UBE2Q2: variants seen among roughly 807,000 people sequenced by gnomAD.
UBE2Q2 encodes the protein ubiquitin conjugating enzyme E2 Q2, also known as ubiquitin-conjugating enzyme E2 Q2.
In UBE2Q2, 54 loss-of-function variants were observed where a neutral mutation model predicts 59.9. That is an observed-to-expected ratio of 0.90 (90% CI 0.72 to 1.13). The LOEUF is 1.13. UBE2Q2 is among the 50% of genes most tolerant of loss of function. UBE2Q2 has a pLI of 0.00. For missense variants in UBE2Q2, 433 were observed against 441.9 expected (o/e 0.98, Z 0.18); for synonymous variants, 165 against 155.2 (o/e 1.06, Z -0.47).
At chr15:75,843,913 G>T in intron 1 of UBE2Q2, 67 bp downstream of exon 1, 1 of 1,467,996 alleles carries the variant, frequency 6.8e-7, no homozygotes. Flanking sequence ...CGAGTCCCGG[G>T]ACAAAGGGGA....
intron 5 of UBE2Q2, among the ~76,000 whole-genome samples, chr15:75,874,983 T>G (rs1437343290): frequency 6.6e-6 from 1 of 152,194 alleles, no homozygotes; most frequent in Non-Finnish European, 1.5e-5. Context: ...TTAATCTAAT[T>G]TATAATTTTT....
chr15:75,880,048 G>A (rs1429441553), intron 8 of UBE2Q2, among the ~76,000 whole-genome samples: 1 of 151,980 alleles, frequency 6.6e-6, no homozygotes, highest in African/African-American at 2.4e-5. Context: ...GCTTCTTAAG[G>A]TATATCTCTA....
chr15:75,882,080 G>T (rs1898462006), intron 8 of UBE2Q2, among the ~76,000 whole-genome samples: 1 of 152,176 alleles, frequency 6.6e-6, no homozygotes, highest in African/African-American at 2.4e-5. Context: ...TTTGGTGAAT[G>T]CAGGGCATGA....
chr15:75,886,522 CTTAT>C (rs1898781094), intron 9 of UBE2Q2, among the ~76,000 whole-genome samples: 2 of 152,036 alleles, frequency 1.3e-5, no homozygotes, highest in Admixed American at 1.3e-4. Context: ...TGTTCAAAAT[CTTAT>C]TTGAGAGAAA....
intron 11 of UBE2Q2, among the ~76,000 whole-genome samples, chr15:75,892,839 C>T (rs1595899054): frequency 6.6e-6 from 1 of 152,178 alleles, no homozygotes; most frequent in East Asian, 1.9e-4. Context: ...TTGCGCACTC[C>T]AGCCTTGGTG....
chr15:75,869,420 A>T (rs1421941490), intron 4 of UBE2Q2, among the ~76,000 whole-genome samples: 2 of 152,250 alleles, frequency 1.3e-5, no homozygotes, highest in Non-Finnish European at 2.9e-5. Flanking sequence ...TTGTTGAAAA[A>T]TCATCAAAGA....
At chr15:75,871,580 A>C (rs1897796225) in intron 4 of UBE2Q2, among the ~76,000 whole-genome samples, 1 of 152,226 alleles carries the variant, frequency 6.6e-6, no homozygotes, top group Non-Finnish European at 1.5e-5. Flanking sequence ...ATGACTCTTA[A>C]GGAGCATGCT....
intron 9 of UBE2Q2, among the ~76,000 whole-genome samples, chr15:75,885,525 A>G (rs962999893): frequency 1.3e-5 from 2 of 152,102 alleles, no homozygotes; most frequent in Non-Finnish European, 2.9e-5. Context: ...GCTGTTTTCT[A>G]TTTTTCCCAA....
intron 6 of UBE2Q2, among the ~76,000 whole-genome samples, chr15:75,877,479 G>T (rs1233115712): frequency 2.8e-5 from 4 of 141,086 alleles, no homozygotes; most frequent in Admixed American, 7.1e-5. Flanking sequence ...TGTTTATATA[G>T]AAAAAAAAAA....
Position 75,873,548 on chromosome 15 carries a change from C to G in UBE2Q2, c.568C>G (p.Gln190Glu). The G allele has an allele frequency of 6.2e-7, 1 of 1,613,304 alleles. No homozygotes were observed. Among genetic ancestry groups the G allele is most frequent in the Non-Finnish European group, 8.5e-7 (1 of 1,179,718 alleles). ...AATATTAGAGAAAATTAGGAAGACT[C>G]AAAGGCAAGACCATTTAAATGTAAG... is the stretch of plus-strand genomic sequence containing the variant. ...LAILEKIRKT[Q>E]RQDHLNGAVS... Residue 190 changes from glutamine to glutamate, a missense_variant, in exon 5 of 13, where the codon CAA becomes GAA. Transcript: ENST00000267938.
In UBE2Q2 at chr15:75,843,757, C is replaced by G; in HGVS notation, c.91C>G (p.Leu31Val). ...GCGATTCCGCATCGTCAGTTGGAAG[C>G]TGGACGAGCTGCACTGCCAGTTCCT... is the stretch of plus-strand genomic sequence containing the variant. ...HERFRIVSWK[L>V]DELHCQFLVP... Residue 31 changes from leucine to valine, a missense_variant, in exon 1 of 13, where the codon CTG becomes GTG. By Grantham distance (32) the Leu-to-Val change is conservative. Coordinates refer to ENST00000267938, the MANE Select transcript of UBE2Q2 (RefSeq NM_173469.4). The G allele has an allele frequency of 6.2e-7, 1 of 1,610,942 alleles. No homozygotes were observed.
At chr15:75,888,990 T>C (rs1441393057) in intron 9 of UBE2Q2, among the ~76,000 whole-genome samples, 1 of 152,206 alleles carries the variant, frequency 6.6e-6, no homozygotes, top group African/African-American at 2.4e-5. Context: ...AATTTGAAGA[T>C]TGTGTTTGAT....
intron 1 of UBE2Q2, among the ~76,000 whole-genome samples, chr15:75,846,563 T>C (rs967037038): frequency 6.6e-6 from 1 of 152,166 alleles, no homozygotes; most frequent in Non-Finnish European, 1.5e-5. Context: ...TAAAATGACA[T>C]GGCTTGTTCA....
chr15:75,844,192 G>A, intron 1 of UBE2Q2: 3 of 1,412,904 alleles, frequency 2.1e-6, no homozygotes, highest in South Asian at 1.4e-5. Flanking sequence ...CCGGGACCGG[G>A]GCGGGGCGGG....
intron 8 of UBE2Q2, among the ~76,000 whole-genome samples, chr15:75,880,688 A>G (rs1043856176): frequency 1.3e-5 from 2 of 151,990 alleles, no homozygotes; most frequent in Non-Finnish European, 1.5e-5. Flanking sequence ...TTTAGTAGAG[A>G]TGGGGTTTCA....
chr15:75,882,958 A>C (rs1898517684), intron 8 of UBE2Q2, among the ~76,000 whole-genome samples: 1 of 152,006 alleles, frequency 6.6e-6, no homozygotes, highest in Admixed American at 6.6e-5. Flanking sequence ...CTCTTCTGTA[A>C]TTGGAAGAAA....
At chr15:75,878,992 C>T in intron 7 of UBE2Q2, 106 bp from the exon 8 acceptor site, 3 of 696,054 alleles carry the variant, frequency 4.3e-6, no homozygotes, top group East Asian at 2.9e-5. Flanking sequence ...TGGAACTTGC[C>T]CTAGGTGCTC....
intron 1 of UBE2Q2, among the ~76,000 whole-genome samples, chr15:75,849,116 A>G (rs912493938): frequency 6.6e-6 from 1 of 152,180 alleles, no homozygotes; most frequent in South Asian, 2.1e-4. Context: ...TAGGTTAGCT[A>G]CTTGGTTGTT....
chr15:75,873,309 T>C (rs1897893507), intron 4 of UBE2Q2, 119 bp from the exon 5 acceptor site: 2 of 921,292 alleles, frequency 2.2e-6, no homozygotes, highest in Admixed American at 5.8e-5. Context: ...CCCTATAGGA[T>C]AGTTACATTT....
Sources: gnomAD v4.1 joint callset for allele counts (sites outside exome capture counted in the v4.1 genomes callset) on GRCh38, gnomAD v4.1.1 for gene constraint, MANE v1.5 for transcripts, NCBI Gene and HGNC (gene_info 2026-07-23, HGNC 2026-07-21) for gene names.